The following SHISA5 variants were observed in gnomAD, a reference collection of about 807,000 sequenced individuals.
SHISA5 encodes protein shisa-5.
SHISA5 carries 21 observed loss-of-function variants against 27.5 expected under a neutral mutation model. The ratio of observed to expected loss-of-function variants is 0.76; its 90% confidence interval spans 0.54 to 1.10. The LOEUF (loss-of-function observed/expected upper bound fraction) is 1.10, where lower values mean the gene tolerates loss of function less well. Among genes scored for constraint, SHISA5 ranks in the 50% least tolerant of loss-of-function variants. SHISA5 has a pLI of 0.00. For missense variants in SHISA5, 314 were observed against 336.3 expected (o/e 0.93, Z 0.52); for synonymous variants, 137 against 142.2 (o/e 0.96, Z 0.26).
At chr3:48,497,338 A>C (rs1230335157) in intron 2 of SHISA5, among the ~76,000 whole-genome samples, 1 of 132,316 alleles carries the variant, frequency 7.6e-6, no homozygotes, top group Admixed American at 8.3e-5. Context: ...ATCTTGGCTC[A>C]CTGCAACCTC....
chr3:48,500,557 G>A (rs964384195), intron 2 of SHISA5, among the ~76,000 whole-genome samples: 5 of 152,204 alleles, frequency 3.3e-5, no homozygotes, highest in South Asian at 2.1e-4. Flanking sequence ...CCTCTACACC[G>A]AGGCCAAACA....
At position 48,471,430 on chromosome 3, in the gene SHISA5, C is replaced by T. The variant is rs1022156646; in HGVS notation, c.315-1587G>A. Among the ~76,000 whole-genome samples the T allele has an allele frequency of 2.2e-4, 19 of 87,568 alleles. 1 individual carries two copies. Among genetic ancestry groups the T allele is most frequent in the Admixed American group, 2.0e-3 (16 of 7,854 alleles). 57.4% of individuals were successfully genotyped at this position (87,568 alleles called of 152,430 possible). On this transcript the variant is annotated intron_variant, in intron 3 of 5. Coordinates refer to ENST00000296444, the MANE Select transcript of SHISA5 (RefSeq NM_016479.6). ...AACCCCGTCTCTACTAAAAATTAGC[C>T]GGTAGTCCCAACTACTCAGGAGGCT...
In SHISA5 at chr3:48,467,936, A is replaced by C; in HGVS notation, c.*1171T>G. 3.1e-6 allele frequency: 1 copy of C among 323,958 alleles called. No homozygotes were observed. 20.1% of individuals were successfully genotyped at this position (323,958 alleles called of 1,614,324 possible). On this transcript the variant is annotated 3_prime_UTR_variant, in exon 6 of 6. Coordinates refer to ENST00000296444, the MANE Select transcript of SHISA5 (RefSeq NM_016479.6). ...GACCCTAGACTCAGAAACACAACAG[A>C]TTTGAGCTAAGACAGCTCTGGTGAA... is the stretch of plus-strand genomic sequence containing the variant.
intron 2 of SHISA5, among the ~76,000 whole-genome samples, chr3:48,482,597 A>C (rs550473308): frequency 6.6e-6 from 1 of 152,002 alleles, no homozygotes; most frequent in Non-Finnish European, 1.5e-5. Context: ...GGAAATAGTT[A>C]TATTTGCCTT....
chr3:48,500,681 G>A (rs2041726636), intron 2 of SHISA5, among the ~76,000 whole-genome samples: 1 of 152,182 alleles, frequency 6.6e-6, no homozygotes, highest in African/African-American at 2.4e-5. Flanking sequence ...TGCGCTGGGA[G>A]GACACAGATA....
Position 48,469,238 on chromosome 3 carries a change from G to C in SHISA5, c.644-52C>G. ...CTGTGAGCATGGTGGGCTGCCGTGTGAGTGGCAGGCAAGCAGAAAGGGGCA... is the reference window on the plus strand; with the variant it reads ...CTGTGAGCATGGTGGGCTGCCGTGTCAGTGGCAGGCAAGCAGAAAGGGGCA... On this transcript the variant is annotated intron_variant, in intron 5 of 5. Transcript: ENST00000296444. This position sits in a 1 kb window ranked among gnomAD's most constrained non-coding sequence, Gnocchi z 4.6. The C allele has an allele frequency of 3.1e-6, 5 of 1,596,652 alleles. No homozygotes were observed. Among genetic ancestry groups the C allele is most frequent in the Non-Finnish European group, 4.3e-6 (5 of 1,172,082 alleles).
intron 2 of SHISA5, among the ~76,000 whole-genome samples, chr3:48,490,038 A>G (rs1033722587): frequency 1.3e-5 from 2 of 152,078 alleles, no homozygotes; most frequent in Non-Finnish European, 2.9e-5. Context: ...ACAGGCCGGA[A>G]CCAGGTTGCC....
rs1185135051 is a variant in SHISA5, at chr3:48,492,668, C to T, written c.233+8469G>A. ...AGCTGAAGAAAGAGGCTGACAAATCCAGTTTCTCAGAAACATTTAATAGGG... is the reference window on the plus strand; with the variant it reads ...AGCTGAAGAAAGAGGCTGACAAATCTAGTTTCTCAGAAACATTTAATAGGG... On this transcript the variant is annotated intron_variant, in intron 2 of 5. Transcript: ENST00000296444. 4.7e-5 allele frequency among the ~76,000 whole-genome samples: 7 copies of T among 147,910 alleles called. 1 individual carries two copies. Among genetic ancestry groups the T allele is most frequent in the African/African-American group, 1.9e-4 (7 of 37,620 alleles).
chr3:48,491,467 A>C (rs1399184161), intron 2 of SHISA5, among the ~76,000 whole-genome samples: 1 of 152,040 alleles, frequency 6.6e-6, no homozygotes, highest in Non-Finnish European at 1.5e-5. Flanking sequence ...ATGCCTCTCT[A>C]AAATGTATGA....
rs750238144 is a variant in SHISA5, at chr3:48,469,727, C to T, written c.430+1G>A. 36 of 1,613,820 alleles carry T rather than the reference C, an allele frequency of 2.2e-5. No homozygotes were observed. Among genetic ancestry groups the T allele is most frequent in the African/African-American group, 2.7e-5 (2 of 74,886 alleles). On this transcript the variant is annotated splice_donor_variant, in intron 4 of 5. Coordinates refer to ENST00000296444, the MANE Select transcript of SHISA5 (RefSeq NM_016479.6). LOFTEE classifies it high-confidence loss of function. The surrounding 1 kb of genome is among the most constrained non-coding windows in gnomAD (Gnocchi z 4.6). Reference sequence around the variant, plus strand: ...CAGTGGGGCAGGGTGGGCACGCTTACGACGTGGTCGGCGGCACGTCTTGTA... The same window carrying T: ...CAGTGGGGCAGGGTGGGCACGCTTATGACGTGGTCGGCGGCACGTCTTGTA...
At position 48,470,034 on chromosome 3, in the gene SHISA5, T is replaced by C; in HGVS notation, c.315-191A>G. The stretch of plus-strand genomic sequence containing the variant: ...AAACTGGGGTATATGTGAGTCCCTG[T>C]AACTGTCTCTCCCTGGGTCTCCCCC... On this transcript the variant is annotated intron_variant, in intron 3 of 5. Coordinates refer to ENST00000296444, the MANE Select transcript of SHISA5 (RefSeq NM_016479.6). This position sits in a 1 kb window ranked among gnomAD's most constrained non-coding sequence, Gnocchi z 4.3. 1 of 694,656 alleles carries C rather than the reference T, an allele frequency of 1.4e-6. No individual in the cohort carries two copies. 43.0% of individuals were successfully genotyped at this position (694,656 alleles called of 1,614,324 possible). A position where few individuals can be genotyped will look rare whatever the true frequency, so the allele number is the denominator to read the frequency against.
rs1170580790 is a variant in SHISA5 at position 48,473,501 on chromosome 3, G to A, written c.315-3658C>T. ...TCTAGGCCCAGAGGGCGACCCTGGG[G>A]CCCTGGCTGACACACATGCAAGGAG... On this transcript the variant is annotated intron_variant, in intron 3 of 5. Transcript: ENST00000296444. The surrounding 1 kb of genome is among the most constrained non-coding windows in gnomAD (Gnocchi z 4.3). The A allele has an allele frequency of 1.5e-6, 2 of 1,290,512 alleles. No individual in the cohort carries two copies. Among genetic ancestry groups the A allele is most frequent in the Non-Finnish European group, 2.0e-6 (2 of 989,674 alleles). The allele number at this position is 1,290,512 out of a possible 1,614,324, so 79.9% of individuals were successfully genotyped here.
At chr3:48,477,155 T>G (rs1041484507) in intron 3 of SHISA5, 4 of 424,366 alleles carry the variant, frequency 9.4e-6, no homozygotes, top group African/African-American at 8.4e-5. Context: ...ATTCTCCAAC[T>G]CCTTTTTTTT....
intron 2 of SHISA5, among the ~76,000 whole-genome samples, chr3:48,488,561 C>T (rs1331364475): frequency 1.4e-5 from 2 of 139,762 alleles, no homozygotes; most frequent in Non-Finnish European, 3.1e-5. Context: ...AGGCCGGGCG[C>T]GGTGGCTCAC....
chr3:48,471,064 G>A (rs1195399059), intron 3 of SHISA5, among the ~76,000 whole-genome samples: 2 of 151,830 alleles, frequency 1.3e-5, no homozygotes, highest in Admixed American at 6.6e-5. Context: ...GTCTCACTCT[G>A]TTGCCCAGGC....
intron 1 of SHISA5, chr3:48,502,562 A>G: frequency 8.6e-6 from 3 of 350,044 alleles, no homozygotes; most frequent in South Asian, 4.2e-5. Context: ...AAATGTGGAA[A>G]ATAACCCAGG....
Position 48,468,665 on chromosome 3 carries a change from A to G in SHISA5, c.*442T>C, listed in dbSNP as rs2040451257. 2.5e-6 allele frequency: 3 copies of G among 1,212,570 alleles called. No homozygotes were observed. In the South Asian group the frequency reaches 4.5e-5, roughly 18 times the overall value. 75.1% of individuals were successfully genotyped at this position (1,212,570 alleles called of 1,614,324 possible). ...CCATGGCCTCAAGCAGCAGCTGGCT[A>G]CGCTGCCGAAACCAGGACACATCTG... On this transcript the variant is annotated 3_prime_UTR_variant, in exon 6 of 6. Coordinates refer to ENST00000296444, the MANE Select transcript of SHISA5 (RefSeq NM_016479.6).
rs1299804494 is a variant in SHISA5 at position 48,472,979 on chromosome 3, AACAC to A, written c.315-3140_315-3137del. 3.9e-6 allele frequency: 6 copies of A among 1,531,682 alleles called. No individual in the cohort carries two copies. The East Asian group carries it at 1.5e-4, about 37-fold the overall frequency. The allele number at this position is 1,531,682 out of a possible 1,614,324, so 94.9% of individuals were successfully genotyped here. A position where few individuals can be genotyped will look rare whatever the true frequency, so the allele number is the denominator to read the frequency against. On this transcript the variant is annotated intron_variant, in intron 3 of 5. Coordinates refer to ENST00000296444, the MANE Select transcript of SHISA5 (RefSeq NM_016479.6). ...GAGATCTCTCAGTGTTTGTCTCTCA[AACAC>A]ACACGCAGCATGGCGCCCAAGCTCA...
rs189755727 is a variant in SHISA5, at chr3:48,478,508, G to A, written c.314+669C>T. Among the ~76,000 whole-genome samples the A allele has an allele frequency of 5.3e-5, 8 of 152,074 alleles. No individual in the cohort carries two copies. In the East Asian group the frequency reaches 9.7e-4, roughly 18 times the overall value. On this transcript the variant is annotated intron_variant, in intron 3 of 5. Coordinates refer to ENST00000296444, the MANE Select transcript of SHISA5 (RefSeq NM_016479.6). The stretch of plus-strand genomic sequence containing the variant: ...GGAACAGACCCAGGCAGGAAAGCCC[G>A]CCCTAGTGGCTGCACACCCATTCCA...
Sources: gnomAD v4.1 joint callset for allele counts (sites outside exome capture counted in the v4.1 genomes callset) on GRCh38, gnomAD v4.1.1 for gene constraint, Gnocchi (gnomAD v3.1) non-coding constraint, MANE v1.5 for transcripts, NCBI Gene and HGNC (gene_info 2026-07-23, HGNC 2026-07-21) for gene names.